The following MAMLD1 variants were observed in gnomAD, a reference collection of about 807,000 sequenced individuals.
MAMLD1 encodes the protein mastermind-like domain-containing protein 1.
A neutral mutation model predicts 45.0 loss-of-function variants in MAMLD1; 14 were observed. The ratio of observed to expected loss-of-function variants is 0.31; its 90% CI spans 0.21 to 0.49. The LOEUF (loss-of-function observed/expected upper bound fraction) is 0.49, where lower values mean the gene tolerates loss of function less well. Among genes scored for constraint, MAMLD1 ranks in the 20% least tolerant of loss-of-function variants. MAMLD1 has a pLI of 0.99. For missense variants in MAMLD1, 543 were observed against 603.6 expected, an observed-to-expected ratio of 0.90 and a Z score of 1.05; for synonymous variants, 254 against 247.8, an observed-to-expected ratio of 1.02 and a Z score of -0.24.
At chrX:150,368,048 G>A (rs1557400826) in intron 1 of MAMLD1, among the ~76,000 whole-genome samples, 1 of 111,426 alleles carries the variant, frequency 9.0e-6, no homozygotes, top group Non-Finnish European at 1.9e-5. Context: ...ATAGCAGCAT[G>A]ATTTATAATC....
intron 2 of MAMLD1, among the ~76,000 whole-genome samples, chrX:150,447,526 C>T (rs1365399620): frequency 9.0e-6 from 1 of 111,595 alleles, no homozygotes; most frequent in Non-Finnish European, 1.9e-5. Context: ...GTACGGTATC[C>T]CTGTAGCCTC....
At position 150,471,055 on chromosome X, in the gene MAMLD1, G is replaced by A. The variant is rs374561693; in HGVS notation, c.1482G>A (p.Gln494=). ...TPTSNLLSQQ[Q]QQQQQQQQAN... ...CCAGTAATCTTCTAAGCCAGCAACA[G>A]CAGCAGCAGCAGCAGCAGCAGCAAG... Residue 494 remains glutamine (Q), a synonymous_variant, in exon 4 of 8, where the codon CAG becomes CAA. Transcript: ENST00000370401. The A allele has an allele frequency of 4.3e-6, 5 of 1,161,124 alleles. No individual in the cohort carries two copies. In the South Asian group the frequency reaches 5.6e-5, roughly 13 times the overall value.
intron 2 of MAMLD1, among the ~76,000 whole-genome samples, chrX:150,459,264 C>T (rs1210727224): frequency 8.9e-6 from 1 of 111,859 alleles, no homozygotes; most frequent in African/African-American, 3.3e-5. Context: ...TCTCAGTACC[C>T]CAATTTCTAA....
At chrX:150,447,839 G>A (rs2035541294) in intron 2 of MAMLD1, among the ~76,000 whole-genome samples, 1 of 111,546 alleles carries the variant, frequency 9.0e-6, no homozygotes, top group Non-Finnish European at 1.9e-5. Flanking sequence ...CTAGTCCCAG[G>A]AAACCATGTG....
At chrX:150,365,037 C>T (rs905534871) in intron 1 of MAMLD1, among the ~76,000 whole-genome samples, 1 of 112,206 alleles carries the variant, frequency 8.9e-6, no homozygotes, top group Non-Finnish European at 1.9e-5. Flanking sequence ...GCTCTGGGCC[C>T]CTGGAGGCCG....
intron 3 of MAMLD1, among the ~76,000 whole-genome samples, chrX:150,467,693 C>T (rs782149245): frequency 3.6e-5 from 4 of 112,665 alleles, no homozygotes; most frequent in Admixed American, 1.9e-4. Context: ...AACAACATGG[C>T]GAAGGCAGTG....
At chrX:150,376,438 T>C (rs2124466722) in intron 1 of MAMLD1, among the ~76,000 whole-genome samples, 1 of 110,789 alleles carries the variant, frequency 9.0e-6, no homozygotes, top group African/African-American at 3.3e-5. Flanking sequence ...TGAAGAAAAA[T>C]ATCATGCTTG....
intron 5 of MAMLD1, among the ~76,000 whole-genome samples, chrX:150,477,493 C>T (rs1232772770): frequency 9.0e-6 from 1 of 111,720 alleles, no homozygotes; most frequent in African/African-American, 3.3e-5. Context: ...TGCTCACGGA[C>T]AGTCCCTTAG....
intron 1 of MAMLD1, among the ~76,000 whole-genome samples, chrX:150,417,178 G>C (rs1395954352): frequency 9.5e-5 from 10 of 105,796 alleles, no homozygotes; most frequent in African/African-American, 3.1e-4. Context: ...CCCCACAACA[G>C]TCCCCAGAGT....
At chrX:150,417,968 G>T (rs1326539940) in intron 1 of MAMLD1, among the ~76,000 whole-genome samples, 1 of 110,916 alleles carries the variant, frequency 9.0e-6, no homozygotes, top group Admixed American at 9.6e-5. Flanking sequence ...GAGTTAGGGA[G>T]GATTCCCTCT....
intron 5 of MAMLD1, among the ~76,000 whole-genome samples, chrX:150,480,147 T>C (rs1426378307): frequency 8.9e-6 from 1 of 111,978 alleles, no homozygotes; most frequent in Admixed American, 9.4e-5. Flanking sequence ...CGAGTCTATT[T>C]GTACTTTTAG....
intron 5 of MAMLD1, among the ~76,000 whole-genome samples, chrX:150,477,256 A>C (rs782772655): frequency 6.2e-4 from 70 of 112,946 alleles, no homozygotes; most frequent in Admixed American, 1.5e-3. Flanking sequence ...TGTGAGGATT[A>C]AATGAGATGA....
intron 5 of MAMLD1, among the ~76,000 whole-genome samples, chrX:150,481,462 G>T (rs2036752871): frequency 8.9e-6 from 1 of 112,224 alleles, no homozygotes; most frequent in Admixed American, 9.4e-5. Flanking sequence ...AAAAAGTACG[G>T]CAGTTCCTCA....
intron 1 of MAMLD1, among the ~76,000 whole-genome samples, chrX:150,431,535 G>A (rs2034946453): frequency 9.0e-6 from 1 of 110,530 alleles, no homozygotes; most frequent in African/African-American, 3.3e-5. Flanking sequence ...CATAGTACCT[G>A]ATAGGTAGTT....
Position 150,503,524 on chromosome X carries a change from C to A in MAMLD1, c.2284+7C>A, listed in dbSNP as rs1443875110. ...CCTAGCTGCGACGCCACAGGTAAGT[C>A]ACTTCCCCCTGAGCCTCGCTTTCCT... On this transcript the variant is annotated splice_region_variant and intron_variant, in intron 6 of 7. Transcript: ENST00000370401. 3 of 1,023,080 alleles carry A rather than the reference C, an allele frequency of 2.9e-6. No individual in the cohort carries two copies. In the East Asian group the frequency reaches 9.6e-5, roughly 33 times the overall value. The allele number at this position is 1,023,080 out of a possible 1,213,427, so 84.3% of individuals were successfully genotyped here. A position where few individuals can be genotyped will look rare whatever the true frequency, so the allele number is the denominator to read the frequency against.
At chrX:150,411,798 T>C (rs2034130025) in intron 1 of MAMLD1, among the ~76,000 whole-genome samples, 1 of 111,456 alleles carries the variant, frequency 9.0e-6, no homozygotes, top group Admixed American at 9.5e-5. Flanking sequence ...GCAAGCCACC[T>C]GTCAGGAGTT....
At chrX:150,488,458 T>C (rs1196602003) in intron 5 of MAMLD1, among the ~76,000 whole-genome samples, 17 of 112,841 alleles carry the variant, frequency 1.5e-4, no homozygotes, top group Admixed American at 1.1e-3. Flanking sequence ...AATGTGAGAA[T>C]AAGATATGAA....
intron 1 of MAMLD1, among the ~76,000 whole-genome samples, chrX:150,423,614 AAGAGAGAGAG>A (rs138772700): frequency 9.8e-6 from 1 of 101,641 alleles, no homozygotes; most frequent in Non-Finnish European, 2.0e-5. Context: ...AAGAGAGAGA[AAGAGAGAGAG>A]AGAGAGAGAG....
chrX:150,458,079 T>A (rs2035926583), intron 2 of MAMLD1, among the ~76,000 whole-genome samples: 1 of 111,228 alleles, frequency 9.0e-6, no homozygotes, highest in African/African-American at 3.3e-5. Flanking sequence ...CCAGCCTGGC[T>A]CTAAATCTAC....
Sources: gnomAD v4.1 joint callset for allele counts (sites outside exome capture counted in the v4.1 genomes callset) on GRCh38, gnomAD v4.1.1 for gene constraint, MANE v1.5 for transcripts, NCBI Gene and HGNC (gene_info 2026-07-23, HGNC 2026-07-21) for gene names.